AKAP9: variants seen among roughly 807,000 people sequenced by gnomAD.
AKAP9 encodes the protein A-kinase anchor protein 9.
In AKAP9, 311 loss-of-function variants were observed where a neutral mutation model predicts 488.5. The ratio of observed to expected loss-of-function variants is 0.64; its 90% confidence interval spans 0.58 to 0.70. The LOEUF is 0.70. Among genes scored for constraint, AKAP9 ranks in the 30% least tolerant of loss-of-function variants. AKAP9 has a pLI of 0.00. For synonymous variants in AKAP9, 1,462 were observed against 1,483.5 expected, an observed-to-expected ratio of 0.99 and a Z score of 0.33; for missense variants, 4,215 against 4,374.5, an observed-to-expected ratio of 0.96 and a Z score of 1.03.
At chr7:91,996,432 A>G (rs1562952221) in intron 7 of AKAP9, among the ~76,000 whole-genome samples, 1 of 152,168 alleles carries the variant, frequency 6.6e-6, no homozygotes, top group African/African-American at 2.4e-5. Flanking sequence ...CACCCCACTA[A>G]CAGGTGTCAG....
At chr7:92,003,374 G>T in intron 8 of AKAP9, 139 bp downstream of exon 8, 3 of 667,932 alleles carry the variant, frequency 4.5e-6, no homozygotes, top group South Asian at 2.2e-5. Flanking sequence ...TTTAACTTGA[G>T]CCTATCATTT....
chr7:92,084,658 C>T lies in AKAP9; in HGVS notation c.8665C>T (p.Leu2889=), dbSNP rs10228334. 0.39 allele frequency: 622,345 copies of T among 1,603,034 alleles called. 123,832 individuals carry two copies. The highest frequency in any genetic ancestry group is 0.52 in the African/African-American group (38,498 of 74,640). ...TAATTAGGGATCCTCAATTCCTGAG[C>T]TAGCACATTCTGATGCTTACCAGAC... The part of the protein sequence containing the change: ...RSKEGSSIPE[L]AHSDAYQTRE... Residue 2889 remains leucine (L), a synonymous_variant, in exon 34 of 50, where the codon CTA becomes TTA. Coordinates refer to ENST00000356239, the MANE Select transcript of AKAP9 (RefSeq NM_005751.5).
At chr7:91,997,885 A>G (rs977384678) in intron 7 of AKAP9, among the ~76,000 whole-genome samples, 7 of 152,168 alleles carry the variant, frequency 4.6e-5, no homozygotes, top group African/African-American at 1.7e-4. Context: ...AAGAAAATGA[A>G]TCCCCCCAAG....
chr7:92,007,720 G>A (rs140805860), intron 8 of AKAP9, among the ~76,000 whole-genome samples: 3 of 152,254 alleles, frequency 2.0e-5, no homozygotes, highest in African/African-American at 7.2e-5. Flanking sequence ...TTGGTTTATA[G>A]TTTATCTGGA....
At chr7:91,995,364 C>T (rs1418550456) in intron 6 of AKAP9, among the ~76,000 whole-genome samples, 1 of 152,156 alleles carries the variant, frequency 6.6e-6, no homozygotes, top group Non-Finnish European at 1.5e-5. Context: ...TGATGCCCCA[C>T]TTTTCTTCGT....
chr7:91,978,929 T>C (rs183915093), intron 2 of AKAP9, among the ~76,000 whole-genome samples: 1,953 of 137,110 alleles, frequency 0.014, 38 homozygotes, highest in African/African-American at 0.053. Flanking sequence ...GGCTAGTTTT[T>C]GTATTTTTTT....
In AKAP9 at chr7:91,992,881, T is replaced by A. The variant is rs367997608; in HGVS notation, c.406-4T>A. ...GAATTCTTTAAAATCTTGGATTGATTTAGGAAGAAGAATTTGGTGTTGATG... is the reference window on the plus strand; with the variant it reads ...GAATTCTTTAAAATCTTGGATTGATATAGGAAGAAGAATTTGGTGTTGATG... On this transcript the variant is annotated splice_region_variant and splice_polypyrimidine_tract_variant and intron_variant, in intron 4 of 49. Transcript: ENST00000356239. 4.3e-6 allele frequency: 7 copies of A among 1,613,394 alleles called. No homozygotes were observed. In the African/African-American group the frequency reaches 9.3e-5, roughly 22 times the overall value.
At chr7:92,029,229 CAG>C (rs1803824918) in intron 14 of AKAP9, among the ~76,000 whole-genome samples, 1 of 55,054 alleles carries the variant, frequency 1.8e-5, no homozygotes, top group Non-Finnish European at 3.9e-5. Flanking sequence ...CTACACAATA[CAG>C]ATGTGAATAC....
At chr7:92,036,938 G>C (rs1212511321) in intron 16 of AKAP9, among the ~76,000 whole-genome samples, 1 of 152,220 alleles carries the variant, frequency 6.6e-6, no homozygotes, top group Non-Finnish European at 1.5e-5. Flanking sequence ...TAGGCACCCA[G>C]AGGTCCAATT....
chr7:92,005,666 TTTTG>T (rs762687603), intron 8 of AKAP9, among the ~76,000 whole-genome samples: 29 of 152,280 alleles, frequency 1.9e-4, no homozygotes, highest in Non-Finnish European at 3.7e-4. Context: ...TTAACGATTT[TTTTG>T]TTTGTTTGTT....
chr7:92,035,018 C>A (rs146826942), intron 16 of AKAP9, among the ~76,000 whole-genome samples: 1 of 152,094 alleles, frequency 6.6e-6, no homozygotes, highest in Non-Finnish European at 1.5e-5. Flanking sequence ...TTAATTTGCT[C>A]TTCTTCTGCT....
At chr7:91,946,336 A>G (rs558225135) in intron 1 of AKAP9, among the ~76,000 whole-genome samples, 1 of 152,080 alleles carries the variant, frequency 6.6e-6, no homozygotes, top group South Asian at 2.1e-4. Flanking sequence ...AGCTTCATCA[A>G]CATTTATTGC....
At chr7:92,016,640 G>A (rs937711599) in intron 11 of AKAP9, among the ~76,000 whole-genome samples, 4 of 151,932 alleles carry the variant, frequency 2.6e-5, no homozygotes, top group Admixed American at 2.0e-4. Context: ...TAAACATTAA[G>A]AAATAAAAAA....
Position 91,973,800 on chromosome 7 carries a change from A to C in AKAP9, c.138A>C (p.Lys46Asn). The change falls in exon 2 of 50, where the codon AAA (lysine) becomes AAC (asparagine). Residue 46 changes from lysine (K) to asparagine (N), a missense_variant. Around this residue, in one of 5 missense-constraint regions of AKAP9, gnomAD observed 2,361 missense variants for 2,430.0 expected, o/e 0.97. Transcript: ENST00000356239. ...AAAAGAGAAAAACGTCAAGCAGTAA[A>C]CATGATGTGTCAGCACACCATGATT... ...QKKKRKTSSSKHDVSAHHDLN... is the reference protein window; with the variant it reads ...QKKKRKTSSSNHDVSAHHDLN... 1 of 1,614,130 alleles carries C rather than the reference A, an allele frequency of 6.2e-7. No homozygotes were observed. Among genetic ancestry groups the C allele is most frequent in the Non-Finnish European group, 8.5e-7 (1 of 1,180,008 alleles).
chr7:91,969,503 G>A (rs79661403), intron 1 of AKAP9, among the ~76,000 whole-genome samples: 1,602 of 152,044 alleles, frequency 0.011, 25 homozygotes, highest in African/African-American at 0.037. Context: ...CTGGGATTGG[G>A]GTATTTAAGT....
chr7:92,058,832 G>GA (rs1563064387), intron 22 of AKAP9, among the ~76,000 whole-genome samples: 1 of 151,854 alleles, frequency 6.6e-6, no homozygotes, highest in Non-Finnish European at 1.5e-5. Context: ...TCCAGTCCAG[G>GA]AAAAAAGGAA....
chr7:92,092,801 C>A, intron 38 of AKAP9: 1 of 327,980 alleles, frequency 3.0e-6, no homozygotes, highest in Non-Finnish European at 5.9e-6. Flanking sequence ...CACATGCCAG[C>A]ACGCCCAGCT....
chr7:91,957,784 T>A (rs1793215950), intron 1 of AKAP9, among the ~76,000 whole-genome samples: 1 of 152,244 alleles, frequency 6.6e-6, no homozygotes, highest in African/African-American at 2.4e-5. Flanking sequence ...AGATTTGGGC[T>A]ATAAACTAAC....
rs762116658 is a variant in AKAP9, at chr7:92,002,555, G to A, written c.2638G>A (p.Asp880Asn). ...CLLKVKDDLEDSKNKQELEYK... is the reference protein window; with the variant it reads ...CLLKVKDDLENSKNKQELEYK... ...TCTCAAAGTAAAAGATGATTTAGAA[G>A]ACAGTAAAAATAAACAGGAATTAGA... The change falls in exon 8 of 50, where the codon GAC becomes AAC. Residue 880 changes from aspartate to asparagine, a missense_variant. By Grantham distance (23) the Asp-to-Asn change is conservative. Around this residue, in one of 5 missense-constraint regions of AKAP9, gnomAD observed 2,361 missense variants for 2,430.0 expected, o/e 0.97. Coordinates refer to ENST00000356239, the MANE Select transcript of AKAP9 (RefSeq NM_005751.5). 1.2e-6 allele frequency: 2 copies of A among 1,609,662 alleles called. No homozygotes were observed. The highest frequency in any genetic ancestry group is 1.7e-6 in the Non-Finnish European group (2 of 1,178,276).
Sources: allele counts gnomAD v4.1 joint callset (sites outside exome capture counted in the v4.1 genomes callset), GRCh38; gene constraint gnomAD v4.1.1; regional missense constraint gnomAD v4.1.1; transcripts MANE v1.5; gene names NCBI Gene and HGNC (gene_info 2026-07-23, HGNC 2026-07-21).